Variants in EYS observed in about 807,000 individuals in gnomAD.
EYS encodes EGF-like photoreceptor maintenance factor.
EYS carries 250 observed loss-of-function variants against 282.1 expected under a neutral mutation model. The ratio of observed to expected loss-of-function variants is 0.89; its 90% CI spans 0.80 to 0.98. EYS has a LOEUF of 0.98. EYS is among the 50% of genes least tolerant of loss of function. EYS has a pLI of 0.00. For missense variants in EYS, 4,016 were observed against 3,709.0 expected (o/e 1.08, Z -2.15); for synonymous variants, 1,355 against 1,282.9 (o/e 1.06, Z -1.20).
intron 26 of EYS, among the ~76,000 whole-genome samples, chr6:64,486,972 C>T (rs1776594279): frequency 6.6e-6 from 1 of 151,296 alleles, no homozygotes; most frequent in Admixed American, 6.6e-5. Flanking sequence ...AATGACATAG[C>T]TAGGATAATT....
chr6:63,952,010 C>G (rs567588667), intron 35 of EYS, among the ~76,000 whole-genome samples: 2 of 152,306 alleles, frequency 1.3e-5, no homozygotes, highest in South Asian at 4.1e-4. Flanking sequence ...CACAAAAGTA[C>G]TCAACTAACC....
intron 31 of EYS, among the ~76,000 whole-genome samples, chr6:64,129,658 G>A (rs868419083): frequency 5.3e-5 from 8 of 152,168 alleles, no homozygotes; most frequent in South Asian, 4.1e-4. Context: ...GTCAATTTTG[G>A]CTTTTGTTGC....
rs116127143 is a variant in EYS at position 65,208,499 on chromosome 6, C to G, written c.2023+87364G>C. 9.3e-3 allele frequency among the ~76,000 whole-genome samples: 1,406 copies of G among 151,984 alleles called. 30 individuals carry two copies. Among genetic ancestry groups the G allele is most frequent in the African/African-American group, 0.032 (1,324 of 41,538 alleles). ...TCATTATCTCAAAAAGATACCTGCA[C>G]TTGTCTGTTTATTGCAGAGCTGTTC... is the stretch of plus-strand genomic sequence containing the variant. On this transcript the variant is annotated intron_variant, in intron 12 of 42. Transcript: ENST00000503581.
intron 12 of EYS, among the ~76,000 whole-genome samples, chr6:65,140,274 G>A (rs2150208086): frequency 6.6e-6 from 1 of 151,934 alleles, no homozygotes; most frequent in Non-Finnish European, 1.5e-5. Context: ...GAATGGAAAA[G>A]GCAGAGGAAA....
At chr6:64,885,195 GT>G (rs1767050708) in intron 19 of EYS, among the ~76,000 whole-genome samples, 1 of 151,548 alleles carries the variant, frequency 6.6e-6, no homozygotes, top group South Asian at 2.1e-4. Context: ...AATTAATTGA[GT>G]TTTCTTTTAC....
intron 22 of EYS, among the ~76,000 whole-genome samples, chr6:64,700,420 G>A (rs140471524): frequency 0.01 from 1,529 of 152,058 alleles, 13 homozygotes; most frequent in South Asian, 0.033. Context: ...AAGGCATCCA[G>A]ATTGGAAAAG....
chr6:63,720,548 A>C lies in EYS; in HGVS notation c.*48T>G, dbSNP rs1172719980. 7.5e-7 allele frequency: 1 copy of C among 1,339,666 alleles called. No individual in the cohort carries two copies. The highest frequency in any genetic ancestry group is 3.1e-5 in the Admixed American group (1 of 32,550). The allele number at this position is 1,339,666 out of a possible 1,614,324, so 83.0% of individuals were successfully genotyped here. On this transcript the variant is annotated 3_prime_UTR_variant, in exon 43 of 43. Coordinates refer to ENST00000503581, the MANE Select transcript of EYS (RefSeq NM_001142800.2). ...CAATGTATCAAAGAAATAACTATCA[A>C]AATAACTGCATTTATGTATAGTGTG...
intron 26 of EYS, among the ~76,000 whole-genome samples, chr6:64,525,807 G>T (rs75235900): frequency 4.5e-4 from 69 of 151,850 alleles, no homozygotes; most frequent in African/African-American, 1.6e-3. Context: ...AAAACAGTTT[G>T]CCAATTTCTT....
At chr6:63,891,724 GT>G (rs1249048011) in intron 35 of EYS, among the ~76,000 whole-genome samples, 1 of 152,144 alleles carries the variant, frequency 6.6e-6, no homozygotes, top group Non-Finnish European at 1.5e-5. Context: ...ACTATTGGAA[GT>G]TCTGGCCAGG....
intron 11 of EYS, among the ~76,000 whole-genome samples, chr6:65,318,530 CATATTTTATATAT>C (rs908958229): frequency 2.8e-5 from 4 of 144,760 alleles, no homozygotes; most frequent in African/African-American, 1.0e-4. Flanking sequence ...TGGTTATATA[CATATTTTATATAT>C]ATATTATATA....
chr6:63,883,027 C>G (rs1044430225), intron 35 of EYS, among the ~76,000 whole-genome samples: 4 of 152,100 alleles, frequency 2.6e-5, no homozygotes, highest in African/African-American at 9.7e-5. Context: ...CAGCTGAAGG[C>G]AATACTCTAC....
intron 26 of EYS, among the ~76,000 whole-genome samples, chr6:64,490,309 T>C (rs1295815547): frequency 6.6e-6 from 1 of 150,938 alleles, no homozygotes; most frequent in Non-Finnish European, 1.5e-5. Flanking sequence ...ATATGTTTTA[T>C]AAGATTTCCT....
At chr6:64,595,037 G>C (rs1418222294) in intron 24 of EYS, among the ~76,000 whole-genome samples, 1 of 151,836 alleles carries the variant, frequency 6.6e-6, no homozygotes, top group Non-Finnish European at 1.5e-5. Flanking sequence ...AGATGCAAAA[G>C]TTCTCCCCAA....
At chr6:65,311,601 A>G (rs1267184723) in intron 11 of EYS, among the ~76,000 whole-genome samples, 1 of 152,200 alleles carries the variant, frequency 6.6e-6, no homozygotes, top group Non-Finnish European at 1.5e-5. Context: ...TGTCAATTAA[A>G]TATGCACAAA....
intron 11 of EYS, chr6:65,332,252 T>C (rs1368384440): frequency 7.8e-6 from 5 of 643,262 alleles, no homozygotes. Flanking sequence ...TACATTATCA[T>C]GCATTTTCTT....
chr6:65,363,667 T>A (rs948412371), intron 8 of EYS, among the ~76,000 whole-genome samples: 1 of 151,916 alleles, frequency 6.6e-6, no homozygotes, highest in Non-Finnish European at 1.5e-5. Context: ...ACGATTTAAC[T>A]CTTTTAATAC....
chr6:65,040,532 A>G (rs569439698), intron 13 of EYS, among the ~76,000 whole-genome samples: 49 of 151,870 alleles, frequency 3.2e-4, no homozygotes, highest in Non-Finnish European at 5.6e-4. Context: ...TTATTTACAA[A>G]TAACATTACA....
chr6:65,349,129 C>T (rs1770505576), intron 9 of EYS, among the ~76,000 whole-genome samples: 1 of 151,360 alleles, frequency 6.6e-6, no homozygotes, highest in Admixed American at 6.6e-5. Flanking sequence ...TCGGAGATGG[C>T]AGTTTTATTA....
intron 12 of EYS, among the ~76,000 whole-genome samples, chr6:65,232,056 G>A: frequency 6.6e-6 from 1 of 152,016 alleles, no homozygotes; most frequent in East Asian, 1.9e-4. Context: ...AATACACTAT[G>A]TAAGTAAAAA....
Sources: gnomAD v4.1 joint callset for allele counts (sites outside exome capture counted in the v4.1 genomes callset) on GRCh38, gnomAD v4.1.1 for gene constraint, MANE v1.5 for transcripts, NCBI Gene and HGNC (gene_info 2026-07-23, HGNC 2026-07-21) for gene names.